ATRNL1: variants seen among roughly 807,000 people sequenced by gnomAD.
ATRNL1 encodes attractin-like protein 1.
ATRNL1 carries 95 observed loss-of-function variants against 182.7 expected under a neutral mutation model. The ratio of observed to expected loss-of-function variants is 0.52; its 90% CI spans 0.44 to 0.62. The LOEUF is 0.62. Ranked by LOEUF, ATRNL1 falls within the 20% of genes least tolerant of loss-of-function variation. The pLI is 0.00. For synonymous variants in ATRNL1, 576 were observed against 568.3 expected (o/e 1.01, Z -0.19); for missense variants, 1,471 against 1,679.5 (o/e 0.88, Z 2.17).
chr10:115,788,816 G>T (rs1467181911), intron 27 of ATRNL1, among the ~76,000 whole-genome samples: 1 of 152,230 alleles, frequency 6.6e-6, no homozygotes, highest in African/African-American at 2.4e-5. Flanking sequence ...TGAGAGGGCT[G>T]TCAGAAGCCT....
intron 27 of ATRNL1, among the ~76,000 whole-genome samples, chr10:115,755,981 T>A (rs1948579002): frequency 6.6e-6 from 1 of 152,198 alleles, no homozygotes; most frequent in Admixed American, 6.5e-5. Flanking sequence ...TCTCTGCTGG[T>A]CGTTTGTATT....
intron 10 of ATRNL1, among the ~76,000 whole-genome samples, chr10:115,243,937 T>C (rs868933483): frequency 2.6e-5 from 4 of 152,134 alleles, no homozygotes; most frequent in Non-Finnish European, 5.9e-5. Context: ...ATCTGTTTTA[T>C]CCTCCTGGGT....
rs181477301 is a variant in ATRNL1 at position 115,910,486 on chromosome 10, C to T, written c.4019-34172C>T. On this transcript the variant is annotated intron_variant, in intron 28 of 28. Transcript: ENST00000355044. ...GCTCCAGTAACTGAGCCACCCCCCA[C>T]CCTCCTTACATGCTCATCAGGCAGT... Among the ~76,000 whole-genome samples the T allele has an allele frequency of 2.2e-3, 333 of 152,236 alleles. 1 individual carries two copies. The highest frequency in any genetic ancestry group is 7.8e-3 in the African/African-American group (323 of 41,556).
intron 18 of ATRNL1, among the ~76,000 whole-genome samples, chr10:115,321,599 A>G (rs1289495882): frequency 6.7e-6 from 1 of 148,794 alleles, no homozygotes; most frequent in African/African-American, 2.5e-5. Context: ...GGTCTTGGCT[A>G]GTGGTAATGA....
Position 115,266,928 on chromosome 10 carries a change from G to A in ATRNL1, c.1904G>A (p.Trp635Ter). The A allele has an allele frequency of 1.9e-6, 3 of 1,612,284 alleles. No homozygotes were observed. Among genetic ancestry groups the A allele is most frequent in the Non-Finnish European group, 2.5e-6 (3 of 1,178,940 alleles). The stretch of plus-strand genomic sequence containing the variant: ...GCTGGTCCAGGGATAAAATGTGTTT[G>A]GAATAAAAATCACTGTGAATCTTGG... ...KNAGPGIKCV[W>*]NKNHCESWES... The change falls in exon 12 of 29, where the codon TGG (tryptophan) becomes TAG (stop). Residue 635 changes from tryptophan (W) to a stop codon, truncating the protein, a stop_gained. Coordinates refer to ENST00000355044, the MANE Select transcript of ATRNL1 (RefSeq NM_207303.4). LOFTEE classifies it high-confidence loss of function.
intron 28 of ATRNL1, among the ~76,000 whole-genome samples, chr10:115,895,305 A>T (rs1404000500): frequency 3.9e-5 from 6 of 152,216 alleles, no homozygotes; most frequent in Admixed American, 3.3e-4. Context: ...CCGGGGATAC[A>T]GCTGAATAAC....
intron 21 of ATRNL1, among the ~76,000 whole-genome samples, chr10:115,431,690 T>A (rs954400786): frequency 6.6e-6 from 1 of 152,160 alleles, no homozygotes; most frequent in African/African-American, 2.4e-5. Flanking sequence ...GATCCATACA[T>A]GTTTTAATCC....
chr10:115,502,634 C>T (rs1291243483), intron 24 of ATRNL1, among the ~76,000 whole-genome samples: 4 of 151,872 alleles, frequency 2.6e-5, no homozygotes, highest in Non-Finnish European at 2.9e-5. Context: ...ATTAAGGAGT[C>T]GGTTAATGCT....
At chr10:115,917,474 A>AAG (rs1309504300) in intron 28 of ATRNL1, among the ~76,000 whole-genome samples, 377 of 12,384 alleles carry the variant, frequency 0.03, 2 homozygotes, top group African/African-American at 0.038. Context: ...TGTCTCAAAA[A>AAG]AAAAAAAAAA....
At chr10:115,724,603 G>C (rs1947537288) in intron 26 of ATRNL1, among the ~76,000 whole-genome samples, 1 of 152,134 alleles carries the variant, frequency 6.6e-6, no homozygotes, top group Non-Finnish European at 1.5e-5. Flanking sequence ...TCAGTAATTA[G>C]ATTATGATCC....
chr10:115,864,594 C>T (rs1247093895), intron 28 of ATRNL1, among the ~76,000 whole-genome samples: 2 of 152,182 alleles, frequency 1.3e-5, no homozygotes, highest in African/African-American at 4.8e-5. Context: ...AGTAATTAAA[C>T]ATATAGAAAT....
At chr10:115,549,661 C>T in intron 26 of ATRNL1, 125 bp downstream of exon 26, 1 of 545,398 alleles carries the variant, frequency 1.8e-6, no homozygotes. Context: ...TACTAATATT[C>T]AAAAATCACT....
chr10:115,687,142 A>G (rs546416756), intron 26 of ATRNL1, among the ~76,000 whole-genome samples: 7 of 152,232 alleles, frequency 4.6e-5, no homozygotes, highest in African/African-American at 1.7e-4. Flanking sequence ...AATGTTAAGT[A>G]TATAATACAT....
intron 26 of ATRNL1, among the ~76,000 whole-genome samples, chr10:115,675,460 T>C (rs1262790011): frequency 6.6e-6 from 1 of 152,034 alleles, no homozygotes; most frequent in Admixed American, 6.6e-5. Flanking sequence ...TTTTCTGTCA[T>C]GGGGTATATT....
chr10:115,220,732 G>GA (rs1554897278), intron 9 of ATRNL1, among the ~76,000 whole-genome samples: 1 of 97,660 alleles, frequency 1.0e-5, no homozygotes, highest in Non-Finnish European at 2.1e-5. Flanking sequence ...AATGGGGGGG[G>GA]GGGGGCGGGG....
chr10:115,893,267 A>T (rs1359650053), intron 28 of ATRNL1, among the ~76,000 whole-genome samples: 1 of 152,174 alleles, frequency 6.6e-6, no homozygotes, highest in East Asian at 1.9e-4. Context: ...GGTGAAGTGG[A>T]GAGGCGGGAG....
intron 27 of ATRNL1, among the ~76,000 whole-genome samples, chr10:115,813,198 C>T (rs941412433): frequency 6.6e-6 from 1 of 151,918 alleles, no homozygotes; most frequent in Non-Finnish European, 1.5e-5. Flanking sequence ...CAAACCTGCA[C>T]GTTGTGCACA....
chr10:115,256,224 C>T (rs1253024389), intron 10 of ATRNL1, among the ~76,000 whole-genome samples: 3 of 152,164 alleles, frequency 2.0e-5, no homozygotes, highest in Non-Finnish European at 4.4e-5. Flanking sequence ...ACCAGCTCCT[C>T]TTTGTACCTC....
intron 27 of ATRNL1, chr10:115,819,910 A>G (rs1950253055): frequency 6.6e-6 from 1 of 151,972 alleles, no homozygotes; most frequent in Admixed American, 6.6e-5. Context: ...TCAAAAAAAA[A>G]AAACCCTAAC....
Sources: gnomAD v4.1 joint callset for allele counts (sites outside exome capture counted in the v4.1 genomes callset) on GRCh38, gnomAD v4.1.1 for gene constraint, MANE v1.5 for transcripts, NCBI Gene and HGNC (gene_info 2026-07-23, HGNC 2026-07-21) for gene names.